NAALADL2: variants seen among roughly 807,000 people sequenced by gnomAD.
NAALADL2 encodes N-acetylated alpha-linked acidic dipeptidase like 2, also known as inactive N-acetylated-alpha-linked acidic dipeptidase-like protein 2.
NAALADL2 carries 76 observed loss-of-function variants against 87.2 expected under a neutral mutation model. The ratio of observed to expected loss-of-function variants is 0.87; its 90% CI spans 0.72 to 1.05. The LOEUF (loss-of-function observed/expected upper bound fraction) is 1.05, where lower values mean the gene tolerates loss of function less well. NAALADL2 is among the 50% of genes least tolerant of loss of function. NAALADL2 has a pLI of 0.00. For missense variants in NAALADL2, 1,089 were observed against 945.8 expected (o/e 1.15, Z -1.99); for synonymous variants, 354 against 331.0 (o/e 1.07, Z -0.75).
chr3:175,093,415 T>A (rs981356252), intron 1 of NAALADL2, among the ~76,000 whole-genome samples: 1 of 125,926 alleles, frequency 7.9e-6, no homozygotes, highest in Non-Finnish European at 1.8e-5. Context: ...ATTTTATTTT[T>A]TTATATATAT....
chr3:175,787,206 C>G (rs949300786), intron 13 of NAALADL2, among the ~76,000 whole-genome samples: 6 of 152,188 alleles, frequency 3.9e-5, no homozygotes, highest in African/African-American at 1.4e-4. Context: ...CCTACAGAGG[C>G]AGGCAGGCCT....
chr3:175,318,552 A>G (rs961048468), intron 4 of NAALADL2, among the ~76,000 whole-genome samples: 34 of 152,238 alleles, frequency 2.2e-4, no homozygotes, highest in Non-Finnish European at 4.0e-4. Context: ...AAGAAGATAT[A>G]AAAATGAACA....
At chr3:174,517,147 A>G (rs1878020) in intron 1 of NAALADL2, among the ~76,000 whole-genome samples, 4,781 of 152,062 alleles carry the variant, frequency 0.031, 235 homozygotes, top group African/African-American at 0.11. Flanking sequence ...TTTATTTTCT[A>G]TAAGAGAAAA....
chr3:175,471,742 A>C lies in NAALADL2; in HGVS notation c.1637A>C (p.Gln546Pro). Reference protein sequence around the residue: ...SLYPVASPSLQQLVVEKNNFN... With the variant: ...SLYPVASPSLPQLVVEKNNFN... ...TATCCTGTAGCATCACCATCTCTTC[A>C]GCAACTGGTAGTAGAGGTAAGACAA... Residue 546 changes from glutamine to proline, a missense_variant, in exon 9 of 14, where the codon CAG (glutamine) becomes CCG (proline). By Grantham distance (76) the Gln-to-Pro change is moderately conservative. Coordinates refer to ENST00000454872, the MANE Select transcript of NAALADL2 (RefSeq NM_207015.3). The C allele has an allele frequency of 1.2e-6, 2 of 1,607,948 alleles. No homozygotes were observed. The highest frequency in any genetic ancestry group is 1.7e-6 in the Non-Finnish European group (2 of 1,177,338).
At chr3:174,561,845 A>G (rs1033614732) in intron 2 of NAALADL2, among the ~76,000 whole-genome samples, 1 of 152,182 alleles carries the variant, frequency 6.6e-6, no homozygotes. Context: ...CTTTATATAT[A>G]TCCTGTGCTG....
At chr3:175,334,041 A>G in intron 5 of NAALADL2, among the ~76,000 whole-genome samples, 1 of 152,186 alleles carries the variant, frequency 6.6e-6, no homozygotes, top group East Asian at 1.9e-4. Flanking sequence ...TTTTGAATGC[A>G]CGCTTACTTT....
intron 1 of NAALADL2, among the ~76,000 whole-genome samples, chr3:175,087,911 T>TA (rs776102478): frequency 0.039 from 5,297 of 134,360 alleles, 262 homozygotes; most frequent in African/African-American, 0.13. Context: ...CAATAAATAC[T>TA]AAAAAAAAAA....
chr3:174,613,685 C>G (rs983616989), intron 2 of NAALADL2, among the ~76,000 whole-genome samples: 6 of 152,136 alleles, frequency 3.9e-5, no homozygotes, highest in Non-Finnish European at 8.8e-5. Context: ...GGGCAGTAGG[C>G]TCCTTTCTGG....
intron 2 of NAALADL2, among the ~76,000 whole-genome samples, chr3:175,102,405 C>T (rs6443283): frequency 0.22 from 32,869 of 152,000 alleles, 4,892 homozygotes; most frequent in African/African-American, 0.42. Flanking sequence ...AAAGGTTTTC[C>T]CTATGAATTG....
intron 5 of NAALADL2, among the ~76,000 whole-genome samples, chr3:175,371,125 A>G (rs1766423361): frequency 6.6e-6 from 1 of 152,202 alleles, no homozygotes. Context: ...TTCAAATTAT[A>G]CTATGTATAG....
intron 2 of NAALADL2, among the ~76,000 whole-genome samples, chr3:175,129,014 T>A (rs1727388252): frequency 6.6e-6 from 1 of 152,020 alleles, no homozygotes. Flanking sequence ...TGTTGTCTCA[T>A]TGCAACCCCT....
intron 1 of NAALADL2, among the ~76,000 whole-genome samples, chr3:175,018,252 G>T (rs1751105918): frequency 6.6e-6 from 1 of 151,902 alleles, no homozygotes. Flanking sequence ...AAGGTGAATT[G>T]GTCATATCTT....
chr3:174,739,473 A>G (rs919625895), intron 3 of NAALADL2, among the ~76,000 whole-genome samples: 5 of 151,950 alleles, frequency 3.3e-5, no homozygotes, highest in African/African-American at 4.8e-5. Flanking sequence ...GGGCCCTTCC[A>G]TTGTCTTTTT....
intron 13 of NAALADL2, among the ~76,000 whole-genome samples, chr3:175,792,366 A>C: frequency 6.6e-6 from 1 of 152,282 alleles, no homozygotes; most frequent in African/African-American, 2.4e-5. Context: ...TAATACCTCA[A>C]GCTTTGTGAT....
chr3:174,642,765 TATATATATATATATATATA>T (rs1391879607), intron 2 of NAALADL2, among the ~76,000 whole-genome samples: 3 of 47,044 alleles, frequency 6.4e-5, no homozygotes, highest in African/African-American at 1.9e-4. Context: ...TATATATATA[TATATATATATATATATATA>T]TATATGTTTT....
chr3:175,234,119 A>G lies in NAALADL2; in HGVS notation c.734A>G (p.Gln245Arg). The G allele has an allele frequency of 6.2e-7, 1 of 1,613,776 alleles. No homozygotes were observed. The highest frequency in any genetic ancestry group is 2.2e-5 in the East Asian group (1 of 44,882). ...SSGQCFHPNGQPCSEEARKDS... is the reference protein window; with the variant it reads ...SSGQCFHPNGRPCSEEARKDS... ...GGTCAATGCTTTCATCCTAATGGCC[A>G]GCCTTGCAGTGAAGAAGCCAGAAAA... Residue 245 changes from glutamine to arginine, a missense_variant, in exon 3 of 14, where the codon CAG becomes CGG. Transcript: ENST00000454872.
At chr3:174,999,501 C>T (rs576669679) in intron 1 of NAALADL2, among the ~76,000 whole-genome samples, 1 of 152,120 alleles carries the variant, frequency 6.6e-6, no homozygotes, top group South Asian at 2.1e-4. Flanking sequence ...TCTTACGGTG[C>T]TTTTCATAAA....
chr3:174,919,990 C>A lies in NAALADL2; in HGVS notation c.43+60540C>A, dbSNP rs183404212. ...ATTGAAATAAATAGTTTTTTCTGAG[C>A]AATAGGTCTCGACAGTGGGCTTGAA... On this transcript the variant is annotated intron_variant, in intron 1 of 13. Transcript: ENST00000454872. Among the ~76,000 whole-genome samples, 23 of 152,236 alleles carry A rather than the reference C, an allele frequency of 1.5e-4. No homozygotes were observed. The East Asian group carries it at 3.9e-3, about 26-fold the overall frequency.
intron 1 of NAALADL2, among the ~76,000 whole-genome samples, chr3:174,923,398 C>A (rs1311711871): frequency 4.0e-5 from 6 of 151,786 alleles, no homozygotes; most frequent in Admixed American, 3.9e-4. Flanking sequence ...AAATATTATT[C>A]AATATGGAGA....
Sources: allele counts gnomAD v4.1 joint callset (sites outside exome capture counted in the v4.1 genomes callset), GRCh38; gene constraint gnomAD v4.1.1; transcripts MANE v1.5; gene names NCBI Gene and HGNC (gene_info 2026-07-23, HGNC 2026-07-21).